The following ADAMTS9 variants were observed in gnomAD, a reference collection of about 807,000 sequenced individuals.
The protein encoded by ADAMTS9 is A disintegrin and metalloproteinase with thrombospondin motifs 9.
A neutral mutation model predicts 257.1 loss-of-function variants in ADAMTS9; 107 were observed. The observed-to-expected ratio is 0.42, with a 90% confidence interval of 0.36 to 0.49. The LOEUF (loss-of-function observed/expected upper bound fraction) is 0.49, where lower values mean the gene tolerates loss of function less well. Ranked by LOEUF, ADAMTS9 falls within the 20% of genes least tolerant of loss-of-function variation. The pLI, the probability that ADAMTS9 is intolerant of heterozygous loss-of-function variation, is 0.03. For missense variants in ADAMTS9, 2,353 were observed against 2,469.1 expected, an observed-to-expected ratio of 0.95 and a Z score of 1.00; for synonymous variants, 982 against 880.9, an observed-to-expected ratio of 1.11 and a Z score of -2.03.
At chr3:64,534,330 G>A (rs1559750659) in intron 37 of ADAMTS9, among the ~76,000 whole-genome samples, 1 of 152,166 alleles carries the variant, frequency 6.6e-6, no homozygotes, top group Non-Finnish European at 1.5e-5. Context: ...TCTGAGCACC[G>A]TACAGAGGAC....
intron 26 of ADAMTS9, among the ~76,000 whole-genome samples, chr3:64,600,602 G>A (rs1390627202): frequency 6.6e-6 from 1 of 152,160 alleles, no homozygotes; most frequent in Non-Finnish European, 1.5e-5. Flanking sequence ...TTGTCAACAA[G>A]GAAAAACCAT....
At position 64,658,774 on chromosome 3, in the gene ADAMTS9, T is replaced by C. The variant is rs376086802; in HGVS notation, c.697A>G (p.Ser233Gly). 48 of 1,613,242 alleles carry C rather than the reference T, an allele frequency of 3.0e-5. No individual in the cohort carries two copies. The highest frequency in any genetic ancestry group is 4.0e-5 in the African/African-American group (3 of 74,824). Residue 233 changes from serine (S) to glycine (G), a missense_variant, in exon 4 of 40, where the codon AGT (serine) becomes GGT (glycine). Around this residue, in one of 3 missense-constraint regions of ADAMTS9, gnomAD observed 591 missense variants for 569.6 expected, o/e 1.04. Transcript: ENST00000498707. ...CDTSEHKNRH[S>G]KDKKKTRARK... ...GCTCTGGTTTTCTTCTTGTCTTTACTGTGCCTATTTTTGTGTTCTGTAACA... is the reference window on the plus strand; with the variant it reads ...GCTCTGGTTTTCTTCTTGTCTTTACCGTGCCTATTTTTGTGTTCTGTAACA...
rs878981048 is a variant in ADAMTS9, at chr3:64,671,132, G to A, written c.679+10069C>T. On this transcript the variant is annotated intron_variant, in intron 3 of 39. Transcript: ENST00000498707. ...TTATTTGTAATGGTCAAAAACTGTCGCTCAAGTGGGTAATGGTTAAAGAAA... is the reference window on the plus strand; with the variant it reads ...TTATTTGTAATGGTCAAAAACTGTCACTCAAGTGGGTAATGGTTAAAGAAA... Among the ~76,000 whole-genome samples the A allele has an allele frequency of 6.6e-5, 10 of 152,098 alleles. 1 individual carries two copies. Among genetic ancestry groups the A allele is most frequent in the South Asian group, 2.1e-4 (1 of 4,814 alleles).
intron 32 of ADAMTS9, 141 bp downstream of exon 32, chr3:64,546,617 C>A: frequency 1.2e-6 from 1 of 851,274 alleles, no homozygotes; most frequent in South Asian, 2.0e-5. Flanking sequence ...CCTTTGATCC[C>A]TGTTAGCCCA....
In ADAMTS9 at chr3:64,633,626, T is replaced by C. The variant is rs1224013854; in HGVS notation, c.2039-18A>G. On this transcript the variant is annotated intron_variant, in intron 13 of 39. Transcript: ENST00000498707. Reference sequence around the variant, plus strand: ...CATCAGAACTAGAGAGGAGAAACAATACAACTTGACTTTTGTGCCTGGCCT... The same window carrying C: ...CATCAGAACTAGAGAGGAGAAACAACACAACTTGACTTTTGTGCCTGGCCT... The C allele has an allele frequency of 2.5e-6, 4 of 1,613,934 alleles. No homozygotes were observed. Among genetic ancestry groups the C allele is most frequent in the Non-Finnish European group, 2.5e-6 (3 of 1,179,980 alleles).
At chr3:64,524,773 C>A (rs1007424398) in intron 38 of ADAMTS9, among the ~76,000 whole-genome samples, 16 of 152,200 alleles carry the variant, frequency 1.1e-4, no homozygotes, top group African/African-American at 3.6e-4. Context: ...GTCTAAAGAC[C>A]TGCGCTCCAT....
intron 14 of ADAMTS9, 94 bp downstream of exon 14, chr3:64,633,376 GCA>G: frequency 6.5e-7 from 1 of 1,537,652 alleles, no homozygotes; most frequent in South Asian, 1.2e-5. Context: ...TGGCAACAGT[GCA>G]CAGATACTAG....
chr3:64,527,890 C>T (rs1185876829), intron 38 of ADAMTS9, among the ~76,000 whole-genome samples: 1 of 152,130 alleles, frequency 6.6e-6, no homozygotes, highest in Non-Finnish European at 1.5e-5. Context: ...GTGGGCTGCA[C>T]TGAGCATGTG....
At chr3:64,559,193 C>A (rs927951075) in intron 30 of ADAMTS9, among the ~76,000 whole-genome samples, 1 of 152,112 alleles carries the variant, frequency 6.6e-6, no homozygotes, top group Admixed American at 6.5e-5. Context: ...AAGGTAATTG[C>A]CCAGTTACTG....
intron 28 of ADAMTS9, chr3:64,589,190 C>G (rs947873318): frequency 2.0e-5 from 3 of 152,126 alleles, no homozygotes; most frequent in Non-Finnish European, 4.4e-5. Context: ...ATTCCCTAAA[C>G]AACAGTTGTT....
At chr3:64,526,305 T>C (rs1388441849) in intron 38 of ADAMTS9, among the ~76,000 whole-genome samples, 2 of 152,006 alleles carry the variant, frequency 1.3e-5, no homozygotes, top group Non-Finnish European at 2.9e-5. Flanking sequence ...TATGCACAAC[T>C]ATGATATATC....
In ADAMTS9 at chr3:64,606,988, T is replaced by A. The variant is rs763930169; in HGVS notation, c.3446A>T (p.Asn1149Ile). ...YMSVVDDNDC[N>I]AATRPTDTQD... The stretch of plus-strand genomic sequence containing the variant: ...GGTATCAGTTGGTCTAGTTGCTGCA[T>A]TACAGTCATTGTCATCTACCACTGA... The change falls in exon 23 of 40, where the codon AAT becomes ATT. Residue 1149 changes from asparagine to isoleucine, a missense_variant. Asn to Ile is a moderately radical substitution (Grantham distance 149). Around this residue, in one of 3 missense-constraint regions of ADAMTS9, gnomAD observed 1,402 missense variants for 1,441.4 expected, o/e 0.97. Transcript: ENST00000498707. 1 of 1,613,896 alleles carries A rather than the reference T, an allele frequency of 6.2e-7. No individual in the cohort carries two copies. The highest frequency in any genetic ancestry group is 8.5e-7 in the Non-Finnish European group (1 of 1,179,798).
At chr3:64,599,963 G>C (rs2084428235) in intron 26 of ADAMTS9, among the ~76,000 whole-genome samples, 1 of 151,814 alleles carries the variant, frequency 6.6e-6, no homozygotes, top group Non-Finnish European at 1.5e-5. Flanking sequence ...CCCTGAGACA[G>C]AGCCCTGAAG....
intron 23 of ADAMTS9, among the ~76,000 whole-genome samples, chr3:64,604,557 G>C (rs1440660295): frequency 2.6e-5 from 4 of 152,176 alleles, no homozygotes; most frequent in Non-Finnish European, 4.4e-5. Flanking sequence ...GCAGGGGTCA[G>C]CTTGAGGATT....
At chr3:64,581,531 G>T (rs1050739526) in intron 28 of ADAMTS9, among the ~76,000 whole-genome samples, 1 of 152,094 alleles carries the variant, frequency 6.6e-6, no homozygotes. Flanking sequence ...CCCAAAGTGA[G>T]TCACCATGCC....
chr3:64,606,427 A>G (rs1254931692), intron 23 of ADAMTS9, among the ~76,000 whole-genome samples: 1 of 152,210 alleles, frequency 6.6e-6, no homozygotes, highest in African/African-American at 2.4e-5. Flanking sequence ...TACATAGTAC[A>G]TCCACCATAC....
intron 39 of ADAMTS9, among the ~76,000 whole-genome samples, chr3:64,519,057 C>T (rs2082818169): frequency 6.6e-6 from 1 of 152,102 alleles, no homozygotes; most frequent in Non-Finnish European, 1.5e-5. Context: ...GAATTACAGG[C>T]ATGAGCCACC....
chr3:64,641,401 T>A (rs1700636149), intron 12 of ADAMTS9, among the ~76,000 whole-genome samples: 1 of 151,546 alleles, frequency 6.6e-6, no homozygotes, highest in South Asian at 2.1e-4. Context: ...ACATGTGCCA[T>A]GCTGGTGTGC....
At chr3:64,536,698 A>G (rs1207849630) in intron 37 of ADAMTS9, among the ~76,000 whole-genome samples, 2 of 152,194 alleles carry the variant, frequency 1.3e-5, no homozygotes. Flanking sequence ...TTCATAGAAT[A>G]CTGTGGTGAT....
Sources: gnomAD v4.1 joint callset for allele counts (sites outside exome capture counted in the v4.1 genomes callset) on GRCh38, gnomAD v4.1.1 for gene constraint, gnomAD v4.1.1 regional missense constraint, MANE v1.5 for transcripts, NCBI Gene and HGNC (gene_info 2026-07-23, HGNC 2026-07-21) for gene names.